Variants in MGRN1 observed in about 807,000 individuals in gnomAD.
The protein encoded by MGRN1 is mahogunin ring finger 1, also known as E3 ubiquitin-protein ligase MGRN1.
Under a neutral mutation model 69.2 loss-of-function variants are expected in MGRN1, and 29 were observed. That is an observed-to-expected ratio of 0.42 (90% CI 0.31 to 0.57). The LOEUF (loss-of-function observed/expected upper bound fraction) is 0.57, where lower values mean the gene tolerates loss of function less well. Among genes scored for constraint, MGRN1 ranks in the 20% least tolerant of loss-of-function variants. The probability of loss-of-function intolerance (pLI) is 0.15; values close to 1 mark genes in which losing one functional copy is unlikely to be tolerated. For synonymous variants in MGRN1, 470 were observed against 344.2 expected (o/e 1.37, Z -4.04); for missense variants, 998 against 796.2 (o/e 1.25, Z -3.05).
intron 5 of MGRN1, among the ~76,000 whole-genome samples, chr16:4,660,857 G>A (rs2078661864): frequency 6.6e-6 from 1 of 152,356 alleles, no homozygotes; most frequent in Non-Finnish European, 1.5e-5. Context: ...CCCAGACCGG[G>A]GAAGGGAGTG....
chr16:4,626,347 G>A (rs888502878), intron 1 of MGRN1, among the ~76,000 whole-genome samples: 3 of 152,194 alleles, frequency 2.0e-5, no homozygotes, highest in East Asian at 3.8e-4. Context: ...TAGAGGTTCC[G>A]AGGGCTGATG....
intron 4 of MGRN1, among the ~76,000 whole-genome samples, chr16:4,654,656 CCT>C (rs1392976780): frequency 1.3e-5 from 2 of 152,332 alleles, no homozygotes; most frequent in South Asian, 2.1e-4. Flanking sequence ...ACTGCTTGTG[CCT>C]CTGTGTCCTC....
intron 4 of MGRN1, among the ~76,000 whole-genome samples, chr16:4,654,258 G>T (rs571775898): frequency 6.6e-6 from 1 of 152,298 alleles, no homozygotes; most frequent in South Asian, 2.1e-4. Context: ...ACAAATATTA[G>T]AACAAAAGAG....
intron 1 of MGRN1, among the ~76,000 whole-genome samples, chr16:4,629,142 CT>C (rs1369891445): frequency 8.3e-6 from 1 of 120,486 alleles, no homozygotes; most frequent in Non-Finnish European, 1.8e-5. Flanking sequence ...GGCCTGCTTT[CT>C]GTTCGTATGT....
chr16:4,665,870 C>T (rs932884940), intron 7 of MGRN1, among the ~76,000 whole-genome samples: 4 of 151,266 alleles, frequency 2.6e-5, no homozygotes, highest in Non-Finnish European at 2.9e-5. Context: ...CGCTCTTTTG[C>T]CCAGGCTGGA....
chr16:4,670,909 G>T (rs1330055649), intron 8 of MGRN1, among the ~76,000 whole-genome samples: 1 of 152,232 alleles, frequency 6.6e-6, no homozygotes, highest in Non-Finnish European at 1.5e-5. Flanking sequence ...TCAGCGTGAG[G>T]CTTTTTGGTT....
At chr16:4,647,833 G>A (rs1339211676) in intron 1 of MGRN1, among the ~76,000 whole-genome samples, 1 of 152,072 alleles carries the variant, frequency 6.6e-6, no homozygotes, top group African/African-American at 2.4e-5. Context: ...TGCATGCTGG[G>A]TTAGGTGGGG....
At chr16:4,639,556 C>G (rs1193159138) in intron 1 of MGRN1, among the ~76,000 whole-genome samples, 1 of 152,178 alleles carries the variant, frequency 6.6e-6, no homozygotes, top group African/African-American at 2.4e-5. Flanking sequence ...CAGTTGTCTC[C>G]AAGGCCTGCC....
chr16:4,637,955 C>T (rs2078068467), intron 1 of MGRN1, among the ~76,000 whole-genome samples: 1 of 152,212 alleles, frequency 6.6e-6, no homozygotes, highest in Non-Finnish European at 1.5e-5. Flanking sequence ...CCCTCCGTGC[C>T]CCAGCGTCTT....
chr16:4,652,580 A>G (rs1466707226), intron 3 of MGRN1, 98 bp from the exon 4 acceptor site: 4 of 1,443,840 alleles, frequency 2.8e-6, no homozygotes, highest in African/African-American at 1.4e-5. Context: ...CTGTGTCCAC[A>G]TAGCCACCTC....
intron 1 of MGRN1, among the ~76,000 whole-genome samples, chr16:4,627,386 C>T (rs1567161867): frequency 6.6e-6 from 1 of 152,262 alleles, no homozygotes; most frequent in African/African-American, 2.4e-5. Context: ...GCTTTGTTTT[C>T]ACTATATCTG....
At chr16:4,632,531 C>T (rs1332686812) in intron 1 of MGRN1, among the ~76,000 whole-genome samples, 3 of 151,604 alleles carry the variant, frequency 2.0e-5, no homozygotes, top group Non-Finnish European at 4.4e-5. Context: ...GTAGCTGGGA[C>T]TACAGGCACC....
At chr16:4,645,016 T>A (rs2078243941) in intron 1 of MGRN1, among the ~76,000 whole-genome samples, 1 of 152,082 alleles carries the variant, frequency 6.6e-6, no homozygotes, top group African/African-American at 2.4e-5. Context: ...AACTTAATTT[T>A]AAAAAGATAA....
chr16:4,631,594 C>T (rs1306230164), intron 1 of MGRN1, among the ~76,000 whole-genome samples: 1 of 152,190 alleles, frequency 6.6e-6, no homozygotes, highest in African/African-American at 2.4e-5. Context: ...AAATCCTGGT[C>T]TGTTCTTAGA....
rs975141921 is a variant in MGRN1 at position 4,682,227 on chromosome 16, C to T, written c.1358+451C>T. 5.3e-5 allele frequency among the ~76,000 whole-genome samples: 8 copies of T among 152,224 alleles called. No individual in the cohort carries two copies. In the East Asian group the frequency reaches 9.6e-4, roughly 18 times the overall value. On this transcript the variant is annotated intron_variant, in intron 13 of 16. Transcript: ENST00000262370. Reference sequence around the variant, plus strand: ...ACACTCACTGCTCTTGCCGTTCGCCCGTGACGAGCCACGGGGCACGGTCCC... The same window carrying T: ...ACACTCACTGCTCTTGCCGTTCGCCTGTGACGAGCCACGGGGCACGGTCCC...
chr16:4,681,880 C>T (rs929753756), intron 13 of MGRN1, 104 bp downstream of exon 13: 15 of 1,192,852 alleles, frequency 1.3e-5, no homozygotes, highest in South Asian at 1.1e-4. Flanking sequence ...TTCTGTGTGG[C>T]GATTCCCCAG....
intron 5 of MGRN1, among the ~76,000 whole-genome samples, chr16:4,660,158 C>T (rs548550801): frequency 4.6e-5 from 7 of 152,226 alleles, no homozygotes; most frequent in Admixed American, 2.0e-4. Flanking sequence ...TGCCCAGGAG[C>T]AGAGAGGACA....
At chr16:4,640,368 G>C (rs1265594133) in intron 1 of MGRN1, 1 of 152,280 alleles carries the variant, frequency 6.6e-6, no homozygotes, top group Non-Finnish European at 1.5e-5. Flanking sequence ...GAGCATTGAG[G>C]CTGTTCGGGG....
At chr16:4,664,927 G>A (rs1435291510) in intron 6 of MGRN1, 152 bp downstream of exon 6, 10 of 1,228,540 alleles carry the variant, frequency 8.1e-6, no homozygotes, top group Admixed American at 2.0e-5. Context: ...TTGGAGTCCC[G>A]GGCAGGTGAG....
Sources: allele counts gnomAD v4.1 joint callset (sites outside exome capture counted in the v4.1 genomes callset), GRCh38; gene constraint gnomAD v4.1.1; transcripts MANE v1.5; gene names NCBI Gene and HGNC (gene_info 2026-07-23, HGNC 2026-07-21).